SQOR: variants seen among roughly 807,000 people sequenced by gnomAD.
SQOR encodes the protein sulfide quinone oxidoreductase.
Under a neutral mutation model 48.6 loss-of-function variants are expected in SQOR, and 39 were observed. That is an observed-to-expected ratio of 0.80 (90% CI 0.62 to 1.05). The LOEUF is 1.05. SQOR is among the 50% of genes least tolerant of loss of function. The pLI is 0.00. For missense variants in SQOR, 561 were observed against 559.9 expected (o/e 1.00, Z -0.02); for synonymous variants, 220 against 206.2 (o/e 1.07, Z -0.57).
chr15:45,659,547 C>G (rs1053344222), intron 2 of SQOR, among the ~76,000 whole-genome samples: 1 of 152,124 alleles, frequency 6.6e-6, no homozygotes, highest in Non-Finnish European at 1.5e-5. Context: ...GGGCAGGTGG[C>G]TTTGTCTCAT....
intron 1 of SQOR, among the ~76,000 whole-genome samples, chr15:45,649,777 C>T (rs1889431235): frequency 6.6e-6 from 1 of 152,148 alleles, no homozygotes; most frequent in African/African-American, 2.4e-5. Context: ...GCCACTGTGC[C>T]TGGCCTCATT....
At chr15:45,654,115 CA>C (rs60006729) in intron 1 of SQOR, among the ~76,000 whole-genome samples, 22,672 of 107,690 alleles carry the variant, frequency 0.21, 1,825 homozygotes, top group Non-Finnish European at 0.25. Flanking sequence ...GAGTGAGACT[CA>C]AAAAAAAAAA....
chr15:45,684,810 G>A (rs1483055516), intron 7 of SQOR, among the ~76,000 whole-genome samples: 1 of 152,170 alleles, frequency 6.6e-6, no homozygotes. Context: ...AGATAGATAA[G>A]ACTGAATATG....
chr15:45,655,852 T>G (rs1487136734), intron 1 of SQOR, among the ~76,000 whole-genome samples: 2 of 151,224 alleles, frequency 1.3e-5, no homozygotes, highest in Non-Finnish European at 3.0e-5. Context: ...CCCAGCTAAT[T>G]TTTTTTTGTA....
rs1448438176 is a variant in SQOR, at chr15:45,651,402, G to A, written c.-17-7505G>A. Among the ~76,000 whole-genome samples, 5 of 152,324 alleles carry A rather than the reference G, an allele frequency of 3.3e-5. No individual in the cohort carries two copies. In the East Asian group the frequency reaches 7.8e-4, roughly 24 times the overall value. ...CGCGCCTCTCCCTCCACACCTCCCT[G>A]CAAGCAGAGGGAGCTGGCTCTGGCC... On this transcript the variant is annotated intron_variant, in intron 1 of 9. Coordinates refer to ENST00000260324, the MANE Select transcript of SQOR (RefSeq NM_021199.4).
intron 1 of SQOR, among the ~76,000 whole-genome samples, chr15:45,651,555 C>T (rs569159168): frequency 3.9e-5 from 6 of 152,348 alleles, no homozygotes; most frequent in South Asian, 4.1e-4. Flanking sequence ...GCTGCCAGCA[C>T]GCTGTCACCT....
chr15:45,691,093 C>T lies in SQOR; in HGVS notation c.*63C>T. The T allele has an allele frequency of 7.8e-6, 11 of 1,406,332 alleles. No homozygotes were observed. The highest frequency in any genetic ancestry group is 1.2e-5 in the South Asian group (1 of 86,882). The allele number at this position is 1,406,332 out of a possible 1,614,324, so 87.1% of individuals were successfully genotyped here. A position where few individuals can be genotyped will look rare whatever the true frequency, so the allele number is the denominator to read the frequency against. On this transcript the variant is annotated 3_prime_UTR_variant, in exon 10 of 10. Transcript: ENST00000260324. ...GGCCAAAACTGCAGTCACTGAATGACCAAGAGCAGCACGAAGGACTTGGAA... is the reference window on the plus strand; with the variant it reads ...GGCCAAAACTGCAGTCACTGAATGATCAAGAGCAGCACGAAGGACTTGGAA...
intron 6 of SQOR, among the ~76,000 whole-genome samples, chr15:45,681,024 C>T (rs931043268): frequency 6.6e-6 from 1 of 151,916 alleles, no homozygotes; most frequent in Non-Finnish European, 1.5e-5. Flanking sequence ...GCCTGGGCAA[C>T]AGAGCAAGAC....
At chr15:45,669,664 G>A (rs1889903485) in intron 3 of SQOR, among the ~76,000 whole-genome samples, 3 of 152,104 alleles carry the variant, frequency 2.0e-5, no homozygotes, top group Admixed American at 6.5e-5. Context: ...AGGCATAGAC[G>A]GCAGAGGGCA....
At chr15:45,658,431 G>T (rs1370989475) in intron 1 of SQOR, among the ~76,000 whole-genome samples, 2 of 152,184 alleles carry the variant, frequency 1.3e-5, no homozygotes, top group Non-Finnish European at 2.9e-5. Flanking sequence ...TTTCAACAAG[G>T]TCTCAGGTGC....
Position 45,684,459 on chromosome 15 carries a change from T to A in SQOR, c.1048+1798T>A, listed in dbSNP as rs79350130. ...GTCTAGTTGCTTTCTTACGGTTAGA[T>A]TCAGGTTATATGTTTTGGCAAAAAT... On this transcript the variant is annotated intron_variant, in intron 7 of 9. Coordinates refer to ENST00000260324, the MANE Select transcript of SQOR (RefSeq NM_021199.4). Among the ~76,000 whole-genome samples the A allele has an allele frequency of 6.0e-4, 92 of 152,328 alleles. 1 individual carries two copies. The East Asian group carries it at 0.016, about 26-fold the overall frequency.
chr15:45,663,156 T>C (rs527773945), intron 3 of SQOR, among the ~76,000 whole-genome samples: 16 of 152,278 alleles, frequency 1.1e-4, no homozygotes, highest in Admixed American at 5.2e-4. Context: ...TAGCTGGGAC[T>C]ACAGGTGCGC....
At chr15:45,666,010 A>G (rs1475663877) in intron 3 of SQOR, among the ~76,000 whole-genome samples, 1 of 152,186 alleles carries the variant, frequency 6.6e-6, no homozygotes, top group Non-Finnish European at 1.5e-5. Flanking sequence ...TCTGAAACAC[A>G]TCTCAAGGCC....
chr15:45,682,734 A>G (rs1890146868), intron 7 of SQOR, 73 bp downstream of exon 7: 2 of 1,548,612 alleles, frequency 1.3e-6, no homozygotes, highest in East Asian at 4.5e-5. Flanking sequence ...ACAAAAACAC[A>G]AGCTTGGCAT....
At chr15:45,649,178 G>A (rs1889412144) in intron 1 of SQOR, among the ~76,000 whole-genome samples, 1 of 152,198 alleles carries the variant, frequency 6.6e-6, no homozygotes, top group Admixed American at 6.5e-5. Flanking sequence ...AAGGGCTGTA[G>A]TGGAAAGGTA....
At chr15:45,654,211 T>A (rs1270515471) in intron 1 of SQOR, among the ~76,000 whole-genome samples, 1 of 152,192 alleles carries the variant, frequency 6.6e-6, no homozygotes, top group Non-Finnish European at 1.5e-5. Flanking sequence ...ATGCTCCACC[T>A]TCTCTATAGG....
intron 1 of SQOR, among the ~76,000 whole-genome samples, chr15:45,651,605 A>G (rs908895891): frequency 1.3e-5 from 2 of 152,172 alleles, no homozygotes; most frequent in African/African-American, 4.8e-5. Flanking sequence ...GACTACAGGC[A>G]TGTGCCACTA....
At chr15:45,673,834 G>A (rs1389603319) in intron 5 of SQOR, 33 bp downstream of exon 5, 1 of 1,605,058 alleles carries the variant, frequency 6.2e-7, no homozygotes, top group Non-Finnish European at 8.5e-7. Flanking sequence ...GAGATGAGCA[G>A]GGCGGACAGT....
chr15:45,657,928 A>G (rs949184096), intron 1 of SQOR, among the ~76,000 whole-genome samples: 4 of 152,152 alleles, frequency 2.6e-5, no homozygotes, highest in Admixed American at 6.5e-5. Flanking sequence ...GGAGGGAGAT[A>G]TCATGAGCCG....
Sources: allele counts gnomAD v4.1 joint callset (sites outside exome capture counted in the v4.1 genomes callset), GRCh38; gene constraint gnomAD v4.1.1; transcripts MANE v1.5; gene names NCBI Gene and HGNC (gene_info 2026-07-23, HGNC 2026-07-21).